Variants in NBPF26 observed in about 807,000 individuals in gnomAD.
NBPF26 encodes NBPF member 26, also known as NBPF family member NBPF26.
Under a neutral mutation model 119.6 loss-of-function variants are expected in NBPF26, and 79 were observed. That is an observed-to-expected ratio of 0.66 (90% confidence interval 0.55 to 0.80). The LOEUF is 0.80. Ranked by LOEUF, NBPF26 falls within the 30% of genes least tolerant of loss-of-function variation. The probability of loss-of-function intolerance (pLI) is 0.00; values close to 1 mark genes in which losing one functional copy is unlikely to be tolerated. For missense variants in NBPF26, 800 were observed against 1,198.2 expected (o/e 0.67, Z 4.91); for synonymous variants, 299 against 457.7 (o/e 0.65, Z 4.43).
At chr1:120,752,554 ATTTTTT>A (rs1188849971) in intron 1 of NBPF26, among the ~76,000 whole-genome samples, 3 of 3,740 alleles carry the variant, frequency 8.0e-4, no homozygotes, top group African/African-American at 5.1e-3. Context: ...ATATATATAT[ATTTTTT>A]TTTTTTTTTT....
intron 1 of NBPF26, among the ~76,000 whole-genome samples, chr1:120,742,256 T>A (rs1650946828): frequency 7.4e-5 from 1 of 13,448 alleles, no homozygotes; most frequent in Non-Finnish European, 1.1e-4. Flanking sequence ...AAATTTCAAA[T>A]TAAAAAATTT....
At chr1:120,809,068 T>G (rs1419807791) in intron 7 of NBPF26, among the ~76,000 whole-genome samples, 1 of 121,898 alleles carries the variant, frequency 8.2e-6, no homozygotes, top group Non-Finnish European at 1.6e-5. Flanking sequence ...TGAAAAGAGC[T>G]CTGGGCTAAG....
chr1:120,790,573 T>TTTCTTTCTTTCC (rs1651478792), intron 3 of NBPF26, among the ~76,000 whole-genome samples: 1 of 106,620 alleles, frequency 9.4e-6, no homozygotes, highest in Non-Finnish European at 1.7e-5. Context: ...TCTTTCTTTC[T>TTTCTTTCTTTCC]TTCTTTCTTT....
Position 120,764,781 on chromosome 1 carries a change from G to T in NBPF26, c.155+1072G>T, listed in dbSNP as rs1352170705. On this transcript the variant is annotated intron_variant, in intron 2 of 29. Transcript: ENST00000620612. Reference sequence around the variant, plus strand: ...TTTTTATTTCAGGGAAGATGCTGGAGAAATAAAATTTGGTAATATGAAATT... The same window carrying T: ...TTTTTATTTCAGGGAAGATGCTGGATAAATAAAATTTGGTAATATGAAATT... 8.4e-5 allele frequency among the ~76,000 whole-genome samples: 9 copies of T among 106,716 alleles called. 1 individual carries two copies. Among genetic ancestry groups the T allele is most frequent in the Admixed American group, 4.5e-4 (5 of 11,016 alleles). 70.0% of individuals were successfully genotyped at this position (106,716 alleles called of 152,430 possible). A position where few individuals can be genotyped will look rare whatever the true frequency, so the allele number is the denominator to read the frequency against.
intron 8 of NBPF26, 79 bp downstream of exon 8, chr1:120,809,962 A>G (rs1339712074): frequency 9.4e-6 from 14 of 1,495,248 alleles, no homozygotes; most frequent in Non-Finnish European, 1.2e-5. Context: ...TCTGGCATCT[A>G]TGGTGGGCCA....
intron 2 of NBPF26, among the ~76,000 whole-genome samples, chr1:120,770,251 G>T (rs1651247463): frequency 9.6e-6 from 1 of 104,112 alleles, no homozygotes; most frequent in Non-Finnish European, 1.8e-5. Flanking sequence ...CTCACTGCAA[G>T]CTCCGCCTCC....
At chr1:120,724,475 G>T (rs1175153737) in intron 1 of NBPF26, among the ~76,000 whole-genome samples, 1 of 121,346 alleles carries the variant, frequency 8.2e-6, no homozygotes, top group East Asian at 2.1e-4. Flanking sequence ...CCGCGGCCCG[G>T]GACCCCTCAC....
rs1288856931 is a variant in NBPF26, at chr1:120,808,060, T to C, written c.1064+351T>C. On this transcript the variant is annotated intron_variant, in intron 6 of 29. Transcript: ENST00000620612. Reference sequence around the variant, plus strand: ...CTTACCCTTAGTGAGAATCACCTCCTGACTGACTGCGGCTTCTCATTCTTT... The same window carrying C: ...CTTACCCTTAGTGAGAATCACCTCCCGACTGACTGCGGCTTCTCATTCTTT... Among the ~76,000 whole-genome samples, 3 of 120,312 alleles carry C rather than the reference T, an allele frequency of 2.5e-5. 1 individual carries two copies. Among genetic ancestry groups the C allele is most frequent in the Non-Finnish European group, 5.0e-5 (3 of 59,592 alleles). 78.9% of individuals were successfully genotyped at this position (120,312 alleles called of 152,430 possible).
At position 120,784,373 on chromosome 1, in the gene NBPF26, C is replaced by G. The variant is rs1216025072; in HGVS notation, c.156-601C>G. Among the ~76,000 whole-genome samples the G allele has an allele frequency of 4.3e-5, 5 of 116,422 alleles. 1 individual carries two copies. The East Asian group carries it at 1.1e-3, about 25-fold the overall frequency. The allele number at this position is 116,422 out of a possible 152,430, so 76.4% of individuals were successfully genotyped here. A position where few individuals can be genotyped will look rare whatever the true frequency, so the allele number is the denominator to read the frequency against. On this transcript the variant is annotated intron_variant, in intron 2 of 29. Transcript: ENST00000620612. ...CAGTGGCTTAAAGGCCCCAATTGAT[C>G]CACATCCCAGTTACAGCTCTCATCT...
In NBPF26 at chr1:120,808,476, CTGTTG is replaced by C; in HGVS notation, c.1065-68_1065-64del. 5 of 1,061,688 alleles carry C rather than the reference CTGTTG, an allele frequency of 4.7e-6. 1 individual carries two copies. The South Asian group carries it at 6.5e-5, about 14-fold the overall frequency. 65.8% of individuals were successfully genotyped at this position (1,061,688 alleles called of 1,614,324 possible). ...CTTGAGGACATTGTCTCAGAAGTCT[CTGTTG>C]CAATATTTGAACGGATCACTCAACC... On this transcript the variant is annotated intron_variant, in intron 6 of 29. Transcript: ENST00000620612.
At position 120,759,770 on chromosome 1, in the gene NBPF26, A is replaced by C. The variant is rs1391710117; in HGVS notation, c.74-3858A>C. On this transcript the variant is annotated intron_variant, in intron 1 of 29. Coordinates refer to ENST00000620612, the Ensembl canonical transcript of NBPF26. The stretch of plus-strand genomic sequence containing the variant: ...GTACAAAGTGATGTTATAATTTGCT[A>C]ATACAATGTAGAACAATTAAAAGGT... 7.8e-5 allele frequency among the ~76,000 whole-genome samples: 9 copies of C among 115,688 alleles called. 2 individuals carry two copies. Among genetic ancestry groups the C allele is most frequent in the Admixed American group, 6.6e-4 (8 of 12,048 alleles). The allele number at this position is 115,688 out of a possible 152,430, so 75.9% of individuals were successfully genotyped here. A position where few individuals can be genotyped will look rare whatever the true frequency, so the allele number is the denominator to read the frequency against.
intron 1 of NBPF26, among the ~76,000 whole-genome samples, chr1:120,755,698 AC>A (rs1331151446): frequency 1.1e-5 from 1 of 92,234 alleles, no homozygotes; most frequent in Non-Finnish European, 1.9e-5. Context: ...TATTAGTAAT[AC>A]AAAAAATATT....
chr1:120,813,450 C>A (rs1651926556), intron 10 of NBPF26, among the ~76,000 whole-genome samples: 1 of 127,456 alleles, frequency 7.8e-6, no homozygotes, highest in Non-Finnish European at 1.6e-5. Context: ...AAATCTTTCG[C>A]ATACTTGTCC....
In NBPF26 at chr1:120,790,010, CTTTTTTTTTT is replaced by C. The variant is rs1174501165; in HGVS notation, c.416-3136_416-3127del. Among the ~76,000 whole-genome samples the C allele has an allele frequency of 1.1e-4, 4 of 34,940 alleles. 1 individual carries two copies. The highest frequency in any genetic ancestry group is 7.5e-4 in the African/African-American group (4 of 5,350). The allele number at this position is 34,940 out of a possible 152,430, so 22.9% of individuals were successfully genotyped here. A position where few individuals can be genotyped will look rare whatever the true frequency, so the allele number is the denominator to read the frequency against. On this transcript the variant is annotated intron_variant, in intron 3 of 29. Transcript: ENST00000620612. ...GTGTGTTCTGCAAGATTCTGATCAC[CTTTTTTTTTT>C]TTTTTTTTTTTTTTGAGATGGAGTA...
At chr1:120,823,215 C>G in intron 16 of NBPF26, 94 bp from the exon 17 acceptor site, 2 of 698,890 alleles carry the variant, frequency 2.9e-6, no homozygotes, top group Admixed American at 2.0e-5. Context: ...ACTGACAAGA[C>G]TGATGTCCCT....
In NBPF26 at chr1:120,801,461, CTAA is replaced by C. The variant is rs1651580317; in HGVS notation, c.752-4088_752-4086del. ...GTGATATATGAATTATACTATAGAACTAATAATAACAGTAATAAAGCAAGGTGT... is the reference window on the plus strand; with the variant it reads ...GTGATATATGAATTATACTATAGAACTAATAACAGTAATAAAGCAAGGTGT... On this transcript the variant is annotated intron_variant, in intron 4 of 29. Transcript: ENST00000620612. 3.2e-5 allele frequency among the ~76,000 whole-genome samples: 3 copies of C among 93,830 alleles called. No individual in the cohort carries two copies. In the South Asian group the frequency reaches 9.3e-4, roughly 29 times the overall value. The allele number at this position is 93,830 out of a possible 152,430, so 61.6% of individuals were successfully genotyped here.
At position 120,812,178 on chromosome 1, in the gene NBPF26, A is replaced by G. The variant is rs1553271117; in HGVS notation, c.1774+83A>G. 104 of 910,782 alleles carry G rather than the reference A, an allele frequency of 1.1e-4. 21 individuals carry two copies. The East Asian group carries it at 2.5e-3, about 22-fold the overall frequency. The allele number at this position is 910,782 out of a possible 1,614,324, so 56.4% of individuals were successfully genotyped here. The stretch of plus-strand genomic sequence containing the variant: ...GAGACACTAAATGCTCTCTCCATCA[A>G]AAATAATGTCATCCTCCCCGTACTT... On this transcript the variant is annotated intron_variant, in intron 10 of 29. Coordinates refer to ENST00000620612, the Ensembl canonical transcript of NBPF26.
chr1:120,784,997 A>G, exon 3 of NBPF26: 4 of 1,420,068 alleles, frequency 2.8e-6, no homozygotes, highest in Non-Finnish European at 3.8e-6. Context: ...TTCTTGGGGG[A>G]ATATTGTCAA....
rs1193092026 is a variant in NBPF26 at position 120,792,777 on chromosome 1, G to A, written c.416-384G>A. Among the ~76,000 whole-genome samples the A allele has an allele frequency of 2.0e-5, 2 of 101,652 alleles. 1 individual carries two copies. The highest frequency in any genetic ancestry group is 3.6e-5 in the Non-Finnish European group (2 of 55,178). The allele number at this position is 101,652 out of a possible 152,430, so 66.7% of individuals were successfully genotyped here. A position where few individuals can be genotyped will look rare whatever the true frequency, so the allele number is the denominator to read the frequency against. ...GGCCTCCCAAAGTGCTGGAATTACAGGTGTGAGCCACTGCTCCTGGCCCAG... is the reference window on the plus strand; with the variant it reads ...GGCCTCCCAAAGTGCTGGAATTACAAGTGTGAGCCACTGCTCCTGGCCCAG... On this transcript the variant is annotated intron_variant, in intron 3 of 29. Transcript: ENST00000620612.
Sources: gnomAD v4.1 joint callset for allele counts (sites outside exome capture counted in the v4.1 genomes callset) on GRCh38, gnomAD v4.1.1 for gene constraint, MANE v1.5 for transcripts, NCBI Gene and HGNC (gene_info 2026-07-23, HGNC 2026-07-21) for gene names.